Variants in SACS observed in about 807,000 individuals in gnomAD.
SACS encodes the protein sacsin molecular chaperone, also known as sacsin.
SACS carries 197 observed loss-of-function variants against 348.0 expected under a neutral mutation model. That is an observed-to-expected ratio of 0.57 (90% CI 0.50 to 0.64). The LOEUF (loss-of-function observed/expected upper bound fraction) is 0.64, where lower values mean the gene tolerates loss of function less well. Among genes scored for constraint, SACS ranks in the 30% least tolerant of loss-of-function variants. The pLI is 0.00. For missense variants in SACS, 4,999 were observed against 5,360.8 expected, an observed-to-expected ratio of 0.93 and a Z score of 2.11; for synonymous variants, 1,985 against 1,910.6, an observed-to-expected ratio of 1.04 and a Z score of -1.02.
Position 23,336,948 on chromosome 13 carries a change from G to C in SACS, c.6928C>G (p.Leu2310Val). The change falls in exon 10 of 10, where the codon CTG becomes GTG. Residue 2310 changes from leucine to valine, a missense_variant. Physicochemically the swap from Leu to Val is conservative, Grantham distance 32 (BLOSUM62 1). Coordinates refer to ENST00000382292, the MANE Select transcript of SACS (RefSeq NM_014363.6). ...GCATTGGTGATATTCTCCTGGTACA[G>C]TGTAATTCCATCATCAACTGATTTT... Reference protein sequence around the residue: ...VAKSVDDGITLYQENITNACY... With the variant: ...VAKSVDDGITVYQENITNACY... 6.2e-7 allele frequency: 1 copy of C among 1,613,896 alleles called. No individual in the cohort carries two copies.
chr13:23,381,604 G>C (rs1028582544), intron 2 of SACS, among the ~76,000 whole-genome samples: 8 of 152,050 alleles, frequency 5.3e-5, no homozygotes, highest in African/African-American at 1.9e-4. Flanking sequence ...ATTTTGTTTT[G>C]AGGTGCTGTC....
In SACS at chr13:23,334,957, A is replaced by G; in HGVS notation, c.8919T>C (p.Asp2973=). 3 of 1,613,952 alleles carry G rather than the reference A, an allele frequency of 1.9e-6. No individual in the cohort carries two copies. The highest frequency in any genetic ancestry group is 8.5e-7 in the Non-Finnish European group (1 of 1,179,860). Residue 2973 remains aspartate, a synonymous_variant, in exon 10 of 10, where the codon GAT becomes GAC. Transcript: ENST00000382292. ...FPVNRLDLQP[D]LYCLVKALYN... is the part of the protein sequence containing the mutation. ...AAAGTGCTTTCACTAGACAATATAA[A>G]TCTGGCTGTAGATCAAGACGGTTAA...
chr13:23,341,572 A>T lies in SACS; in HGVS notation c.2304T>A (p.Asp768Glu). Residue 768 changes from aspartate (D) to glutamate (E), a missense_variant, in exon 10 of 10, where the codon GAT (aspartate) becomes GAA (glutamate). Transcript: ENST00000382292. ...RELIVQWYPF[D>E]ENRNHPSVSW... The stretch of plus-strand genomic sequence containing the variant: ...AAACAGATGGGTGATTTCTGTTTTC[A>T]TCAAATGGATACCATTGAACAATCA... 1 of 1,614,118 alleles carries T rather than the reference A, an allele frequency of 6.2e-7. No homozygotes were observed. The highest frequency in any genetic ancestry group is 1.1e-5 in the South Asian group (1 of 91,082).
chr13:23,341,780 CTTTTTT>C (rs4068499), intron 9 of SACS, 90 bp from the exon 10 acceptor site: 1,035 of 296,244 alleles, frequency 3.5e-3, no homozygotes, highest in Middle Eastern at 0.011. Flanking sequence ...CTGGAAGGTT[CTTTTTT>C]TTTTTTTTTT....
Position 23,329,250 on chromosome 13 carries a change from G to GT in SACS, c.*885dup. ...ACTACATGCCATATTGAAAGAAAAG[G>GT]TTGTTTTTTTTTTAACTGCAGCACC... On this transcript the variant is annotated 3_prime_UTR_variant, in exon 10 of 10. Transcript: ENST00000382292. The GT allele has an allele frequency of 1.9e-6, 1 of 513,668 alleles. No individual in the cohort carries two copies. The highest frequency in any genetic ancestry group is 3.4e-6 in the Non-Finnish European group (1 of 291,910). The allele number at this position is 513,668 out of a possible 1,614,324, so 31.8% of individuals were successfully genotyped here.
intron 2 of SACS, among the ~76,000 whole-genome samples, chr13:23,405,049 G>GA (rs1292159734): frequency 6.6e-6 from 1 of 152,016 alleles, no homozygotes; most frequent in Non-Finnish European, 1.5e-5. Context: ...CAAATAATTA[G>GA]AAAAAACTAC....
rs779812138 is a variant in SACS at position 23,335,417 on chromosome 13, A to G, written c.8459T>C (p.Ile2820Thr). Residue 2820 changes from isoleucine to threonine, a missense_variant, in exon 10 of 10, where the codon ATT becomes ACT. Ile to Thr is a moderately conservative substitution (Grantham distance 89). This residue lies in a region of SACS where 3,156 missense variants were observed against 3,380.1 expected (regional missense o/e 0.93). Coordinates refer to ENST00000382292, the MANE Select transcript of SACS (RefSeq NM_014363.6). The surrounding 1 kb of genome is among the most constrained non-coding windows in gnomAD (Gnocchi z 4.7). ...DSEGNLTTWLICNRSGFSSME... is the reference protein window; with the variant it reads ...DSEGNLTTWLTCNRSGFSSME... ...ACTTGAAAAGCCTGATCTATTACAA[A>G]TTAGCCACGTAGTAAGATTTCCTTC... 5.6e-6 allele frequency: 9 copies of G among 1,613,978 alleles called. No homozygotes were observed. Among genetic ancestry groups the G allele is most frequent in the Non-Finnish European group, 2.5e-6 (3 of 1,179,898 alleles).
intron 1 of SACS, among the ~76,000 whole-genome samples, chr13:23,416,733 G>C (rs1025258558): frequency 1.3e-5 from 2 of 151,280 alleles, no homozygotes; most frequent in African/African-American, 2.4e-5. Flanking sequence ...CTCCAGCCTG[G>C]GCAACAAGAA....
intron 2 of SACS, among the ~76,000 whole-genome samples, chr13:23,394,152 C>A (rs1240646178): frequency 3.9e-5 from 6 of 152,208 alleles, no homozygotes; most frequent in Non-Finnish European, 7.3e-5. Flanking sequence ...AGCCTCACCC[C>A]TGATCTCCAG....
intron 1 of SACS, among the ~76,000 whole-genome samples, chr13:23,416,452 G>C (rs1158965746): frequency 6.6e-6 from 1 of 151,978 alleles, no homozygotes; most frequent in Admixed American, 6.6e-5. Context: ...GTGGAAGATT[G>C]ATTAAGGTAA....
chr13:23,411,643 G>T lies in SACS; in HGVS notation c.-404C>A, dbSNP rs189539768. ...AACGTCGCAGAAATTCTTGGATTTT[G>T]TTTCTCACCCTCATCTCAGCAGATG... On this transcript the variant is annotated 5_prime_UTR_variant, in exon 2 of 10. Transcript: ENST00000382292. The T allele has an allele frequency of 6.6e-5, 13 of 197,718 alleles. No homozygotes were observed. The highest frequency in any genetic ancestry group is 1.2e-4 in the Non-Finnish European group (12 of 99,710). The allele number at this position is 197,718 out of a possible 1,614,324, so 12.2% of individuals were successfully genotyped here.
intron 2 of SACS, among the ~76,000 whole-genome samples, chr13:23,401,407 G>T (rs1258252190): frequency 6.6e-6 from 1 of 152,176 alleles, no homozygotes; most frequent in Non-Finnish European, 1.5e-5. Context: ...TCATGCCTTT[G>T]CTTCAAGTTG....
chr13:23,367,102 A>C (rs1055089600), intron 5 of SACS, among the ~76,000 whole-genome samples: 3 of 152,014 alleles, frequency 2.0e-5, no homozygotes, highest in African/African-American at 7.3e-5. Flanking sequence ...ATGACAACCT[A>C]CTCCTGTTAC....
intron 6 of SACS, among the ~76,000 whole-genome samples, chr13:23,358,826 T>C (rs1870556065): frequency 6.6e-6 from 1 of 152,148 alleles, no homozygotes; most frequent in Non-Finnish European, 1.5e-5. Flanking sequence ...TTTTGGTAAA[T>C]GGAAAATATT....
intron 9 of SACS, chr13:23,346,730 G>T (rs749293465): frequency 1.6e-5 from 10 of 614,258 alleles, no homozygotes; most frequent in Non-Finnish European, 1.8e-5. Context: ...AGCTACTTAG[G>T]TAAATGCAAA....
rs759847087 is a variant in SACS, at chr13:23,330,556, C to T, written c.13320G>A (p.Ser4440=). 29 of 1,613,888 alleles carry T rather than the reference C, an allele frequency of 1.8e-5. No individual in the cohort carries two copies. Among genetic ancestry groups the T allele is most frequent in the African/African-American group, 2.7e-5 (2 of 74,904 alleles). Reference sequence around the variant, plus strand: ...TGCGTGCTTCCACTGGATTGCCAACCGACTTGAAAGTGGGAGGAACAAAGA... The same window carrying T: ...TGCGTGCTTCCACTGGATTGCCAACTGACTTGAAAGTGGGAGGAACAAAGA... ...QRFFVPPTFK[S]VGNPVEARRW... Residue 4440 remains serine (S), a synonymous_variant, in exon 10 of 10, where the codon TCG becomes TCA. Transcript: ENST00000382292.
intron 2 of SACS, among the ~76,000 whole-genome samples, chr13:23,385,997 A>C (rs1398902940): frequency 1.3e-5 from 2 of 152,216 alleles, no homozygotes; most frequent in African/African-American, 4.8e-5. Context: ...AATATTCCGT[A>C]AACCATGCTG....
rs753377428 is a variant in SACS at position 23,333,522 on chromosome 13, A to G, written c.10354T>C (p.Phe3452Leu). The G allele has an allele frequency of 6.2e-7, 1 of 1,613,334 alleles. No individual in the cohort carries two copies. The highest frequency in any genetic ancestry group is 1.7e-5 in the Admixed American group (1 of 59,878). Residue 3452 changes from phenylalanine to leucine, a missense_variant, in exon 10 of 10, where the codon TTT becomes CTT. Physicochemically the swap from Phe to Leu is conservative, Grantham distance 22. Coordinates refer to ENST00000382292, the MANE Select transcript of SACS (RefSeq NM_014363.6). ...EKWTQSSSSA[F>L]LEEKIHLKEL... ...TTTAAGTGTATTTTTTCTTCAAGAA[A>G]TGCAGATGATGATGACTGTGTCCAT...
chr13:23,343,807 A>G (rs1348520185), intron 9 of SACS, among the ~76,000 whole-genome samples: 1 of 152,230 alleles, frequency 6.6e-6, no homozygotes, highest in African/African-American at 2.4e-5. Context: ...TTTATTTCAG[A>G]GGCCTACGTA....
Sources: gnomAD v4.1 joint callset for allele counts (sites outside exome capture counted in the v4.1 genomes callset) on GRCh38, gnomAD v4.1.1 for gene constraint, gnomAD v4.1.1 regional missense constraint, Gnocchi (gnomAD v3.1) non-coding constraint, MANE v1.5 for transcripts, NCBI Gene and HGNC (gene_info 2026-07-23, HGNC 2026-07-21) for gene names.